The following PUS10 variants were observed in gnomAD, a reference collection of about 807,000 sequenced individuals.
The protein encoded by PUS10 is pseudouridine synthase 10.
In PUS10, 59 loss-of-function variants were observed where a neutral mutation model predicts 75.0. That is an observed-to-expected ratio of 0.79 (90% confidence interval 0.64 to 0.98). PUS10 has a LOEUF of 0.98. Among genes scored for constraint, PUS10 ranks in the 50% least tolerant of loss-of-function variants. The pLI is 0.00. For synonymous variants in PUS10, 219 were observed against 211.6 expected (o/e 1.03, Z -0.30); for missense variants, 650 against 614.4 (o/e 1.06, Z -0.61).
chr2:60,999,576 C>T (rs1359409055), intron 4 of PUS10, among the ~76,000 whole-genome samples: 1 of 152,162 alleles, frequency 6.6e-6, no homozygotes, highest in Non-Finnish European at 1.5e-5. Context: ...GCTGTGATCA[C>T]ATCACTGCAC....
intron 4 of PUS10, among the ~76,000 whole-genome samples, chr2:61,002,938 G>C (rs1253132060): frequency 6.6e-6 from 1 of 152,060 alleles, no homozygotes; most frequent in African/African-American, 2.4e-5. Context: ...CTGTAACACT[G>C]TTTCACCAGT....
intron 1 of PUS10, chr2:61,017,725 G>C (rs557495907): frequency 7.8e-6 from 12 of 1,529,312 alleles, no homozygotes; most frequent in South Asian, 6.0e-5. Flanking sequence ...TGGACAGTCA[G>C]GGGTAGGAGC....
chr2:60,994,526 T>A (rs1259473707), intron 4 of PUS10, among the ~76,000 whole-genome samples: 1 of 152,192 alleles, frequency 6.6e-6, no homozygotes, highest in African/African-American at 2.4e-5. Flanking sequence ...AACCTGAACA[T>A]AAATGTGATG....
intron 4 of PUS10, among the ~76,000 whole-genome samples, chr2:60,996,345 C>G (rs1678458334): frequency 6.6e-6 from 1 of 152,128 alleles, no homozygotes; most frequent in Non-Finnish European, 1.5e-5. Context: ...ACTCTTTCTC[C>G]CTTGCAACAC....
chr2:61,007,491 G>A (rs753890912), intron 3 of PUS10, among the ~76,000 whole-genome samples: 1 of 151,680 alleles, frequency 6.6e-6, no homozygotes, highest in Non-Finnish European at 1.5e-5. Flanking sequence ...CCAGAAGGTC[G>A]GGCGTGGTGG....
chr2:60,990,585 T>C (rs1156775538), intron 4 of PUS10, among the ~76,000 whole-genome samples: 1 of 152,194 alleles, frequency 6.6e-6, no homozygotes, highest in Non-Finnish European at 1.5e-5. Context: ...GCAATCCCTG[T>C]AGCTGGATTA....
rs1389838522 is a variant in PUS10 at position 61,012,905 on chromosome 2, C to CCTATTA, written c.-15-1006_-15-1001dup. On this transcript the variant is annotated intron_variant, in intron 1 of 17. Transcript: ENST00000316752. ...ATATATATACACACACACACATATGCCTATTACTCAAATTTTCCCTCCACC... is the reference window on the plus strand; with the variant it reads ...ATATATATACACACACACACATATGCCTATTACTATTACTCAAATTTTCCCTCCACC... Among the ~76,000 whole-genome samples the CCTATTA allele has an allele frequency of 3.2e-5, 4 of 124,716 alleles. 1 individual carries two copies. Among genetic ancestry groups the CCTATTA allele is most frequent in the African/African-American group, 1.2e-4 (4 of 32,260 alleles). The allele number at this position is 124,716 out of a possible 152,430, so 81.8% of individuals were successfully genotyped here. A position where few individuals can be genotyped will look rare whatever the true frequency, so the allele number is the denominator to read the frequency against.
At chr2:60,968,697 AAAG>A (rs1173503463) in intron 5 of PUS10, among the ~76,000 whole-genome samples, 1 of 152,152 alleles carries the variant, frequency 6.6e-6, no homozygotes, top group Non-Finnish European at 1.5e-5. Context: ...TAAAAAAAAG[AAAG>A]AAGTAGTTGA....
In PUS10 at chr2:61,018,065, G is replaced by A; in HGVS notation, c.-73C>T. 2.7e-6 allele frequency: 4 copies of A among 1,499,564 alleles called. No individual in the cohort carries two copies. The highest frequency in any genetic ancestry group is 3.6e-6 in the Non-Finnish European group (4 of 1,123,490). The allele number at this position is 1,499,564 out of a possible 1,614,324, so 92.9% of individuals were successfully genotyped here. On this transcript the variant is annotated 5_prime_UTR_variant, in exon 1 of 18. In the 5' UTR this introduces an upstream ATG that the reference lacks. Coordinates refer to ENST00000316752, the MANE Select transcript of PUS10 (RefSeq NM_144709.4). Reference sequence around the variant, plus strand: ...TGACCCGGCAGCTCTAATCAGCAACGTTTTTTTCGGGAGCTCCTGGGCGTC... The same window carrying A: ...TGACCCGGCAGCTCTAATCAGCAACATTTTTTTCGGGAGCTCCTGGGCGTC...
intron 4 of PUS10, among the ~76,000 whole-genome samples, chr2:60,995,704 GA>G (rs1346574128): frequency 6.6e-6 from 1 of 152,074 alleles, no homozygotes; most frequent in Non-Finnish European, 1.5e-5. Context: ...TCATTTTAAA[GA>G]AAAAGGATGT....
chr2:61,008,156 G>A (rs1316676979), intron 3 of PUS10, among the ~76,000 whole-genome samples: 3 of 152,116 alleles, frequency 2.0e-5, no homozygotes, highest in African/African-American at 7.2e-5. Flanking sequence ...GGAGGCCAAG[G>A]CAGGAGGATG....
intron 3 of PUS10, 73 bp downstream of exon 3, chr2:61,008,688 A>G: frequency 3.2e-6 from 4 of 1,244,768 alleles, no homozygotes; most frequent in Non-Finnish European, 4.4e-6. Flanking sequence ...AAAAGGAAAG[A>G]AAAAAGAATT....
At chr2:61,002,317 G>GC (rs1490514536) in intron 4 of PUS10, among the ~76,000 whole-genome samples, 2 of 152,154 alleles carry the variant, frequency 1.3e-5, no homozygotes, top group African/African-American at 4.8e-5. Flanking sequence ...TCCATCATGT[G>GC]CCGAAACACT....
intron 4 of PUS10, 118 bp from the exon 5 acceptor site, chr2:60,971,675 G>T: frequency 2.2e-6 from 2 of 899,368 alleles, no homozygotes; most frequent in Non-Finnish European, 1.8e-6. Flanking sequence ...CCCCTTTTTA[G>T]GTGACGAGTT....
intron 9 of PUS10, among the ~76,000 whole-genome samples, chr2:60,962,599 ATT>A (rs199802839): frequency 6.6e-6 from 1 of 150,808 alleles, no homozygotes; most frequent in African/African-American, 2.4e-5. Context: ...ATAAATAAGT[ATT>A]TTTTAAAAAA....
intron 4 of PUS10, among the ~76,000 whole-genome samples, chr2:60,994,881 G>C (rs1678347072): frequency 6.6e-6 from 1 of 152,208 alleles, no homozygotes; most frequent in African/African-American, 2.4e-5. Flanking sequence ...CTGAGGTCAG[G>C]AGTTTGAGAC....
intron 4 of PUS10, among the ~76,000 whole-genome samples, chr2:60,984,015 C>T (rs567736583): frequency 1.3e-5 from 2 of 151,570 alleles, no homozygotes; most frequent in African/African-American, 4.8e-5. Context: ...CAACTAAAAT[C>T]AAAAATAAAA....
intron 1 of PUS10, among the ~76,000 whole-genome samples, chr2:61,015,559 C>T (rs1330719606): frequency 2.0e-5 from 3 of 151,890 alleles, no homozygotes; most frequent in Non-Finnish European, 2.9e-5. Context: ...ATTAGCCATG[C>T]GTGGTGGCAC....
chr2:61,013,827 C>T (rs1253732019), intron 1 of PUS10, among the ~76,000 whole-genome samples: 2 of 151,780 alleles, frequency 1.3e-5, no homozygotes, highest in African/African-American at 4.8e-5. Flanking sequence ...GAGTTCAAGA[C>T]CAGCCTGACC....
Sources: allele counts gnomAD v4.1 joint callset (sites outside exome capture counted in the v4.1 genomes callset), GRCh38; gene constraint gnomAD v4.1.1; transcripts MANE v1.5; gene names NCBI Gene and HGNC (gene_info 2026-07-23, HGNC 2026-07-21).